Variants in SRL observed in about 807,000 individuals in gnomAD.
SRL encodes sarcalumenin.
Under a neutral mutation model 39.5 loss-of-function variants are expected in SRL, and 23 were observed. That is an observed-to-expected ratio of 0.58 (90% CI 0.42 to 0.82). SRL has a LOEUF of 0.82. Among genes scored for constraint, SRL ranks in the 40% least tolerant of loss-of-function variants. SRL has a pLI of 0.00. For synonymous variants in SRL, 272 were observed against 237.4 expected (o/e 1.15, Z -1.34); for missense variants, 592 against 607.8 (o/e 0.97, Z 0.27).
At chr16:4,230,299 G>A (rs1294983617) in intron 1 of SRL, among the ~76,000 whole-genome samples, 1 of 152,044 alleles carries the variant, frequency 6.6e-6, no homozygotes. Flanking sequence ...CCTCCACCCA[G>A]TGGAAGACCA....
At chr16:4,213,404 C>CTTTTTCTCTT (rs1237775177) in intron 1 of SRL, among the ~76,000 whole-genome samples, 21 of 69,584 alleles carry the variant, frequency 3.0e-4, no homozygotes, top group African/African-American at 1.6e-3. Flanking sequence ...TTTTCTTTTT[C>CTTTTTCTCTT]TTTTTTTTTT....
chr16:4,206,365 C>T (rs2052318385), intron 1 of SRL, among the ~76,000 whole-genome samples: 1 of 152,196 alleles, frequency 6.6e-6, no homozygotes, highest in Non-Finnish European at 1.5e-5. Flanking sequence ...CCAACCCACC[C>T]CCATCCATTC....
intron 1 of SRL, among the ~76,000 whole-genome samples, chr16:4,222,630 T>C (rs1019677049): frequency 7.3e-6 from 1 of 136,540 alleles, no homozygotes; most frequent in African/African-American, 3.2e-5. Context: ...TGCTAGAGGC[T>C]GGTGCCTGTG....
At chr16:4,230,733 G>A (rs1242743274) in intron 1 of SRL, among the ~76,000 whole-genome samples, 4 of 152,084 alleles carry the variant, frequency 2.6e-5, no homozygotes, top group African/African-American at 7.2e-5. Context: ...AATGTAATTA[G>A]TTAAGATGAG....
intron 1 of SRL, among the ~76,000 whole-genome samples, chr16:4,238,733 C>T (rs986197587): frequency 5.9e-5 from 9 of 151,848 alleles, no homozygotes; most frequent in Admixed American, 2.0e-4. Flanking sequence ...TGTGATCCTC[C>T]CCCCTCGGCC....
At chr16:4,209,626 G>A (rs1319172179) in intron 1 of SRL, among the ~76,000 whole-genome samples, 1 of 152,188 alleles carries the variant, frequency 6.6e-6, no homozygotes, top group Non-Finnish European at 1.5e-5. Context: ...CAGGGATCAG[G>A]AGCAAATATT....
Position 4,190,163 on chromosome 16 carries a change from C to A in SRL, c.*1990G>T. ...GGTCCAGGCCCTCCACAAAGCCAAA[C>A]GCAACGGCCCCTGTGACAGCATGCA... On this transcript the variant is annotated 3_prime_UTR_variant, in exon 6 of 6. Transcript: ENST00000399609. 3 of 397,850 alleles carry A rather than the reference C, an allele frequency of 7.5e-6. No homozygotes were observed. Among genetic ancestry groups the A allele is most frequent in the Non-Finnish European group, 1.3e-5 (3 of 226,068 alleles). The allele number at this position is 397,850 out of a possible 1,614,324, so 24.6% of individuals were successfully genotyped here. A position where few individuals can be genotyped will look rare whatever the true frequency, so the allele number is the denominator to read the frequency against.
chr16:4,207,790 G>A lies in SRL; in HGVS notation c.62-3156C>T, dbSNP rs577097373. On this transcript the variant is annotated intron_variant, in intron 1 of 5. Transcript: ENST00000399609. ...GGAGGGAGGGCGCTTGCCACTGGTG[G>A]GCCATTCTTTTCCTCCCCAGGCCCC... 28 of 455,570 alleles carry A rather than the reference G, an allele frequency of 6.1e-5. No homozygotes were observed. In the East Asian group the frequency reaches 1.8e-3, roughly 29 times the overall value. 28.2% of individuals were successfully genotyped at this position (455,570 alleles called of 1,614,324 possible).
chr16:4,214,129 T>G (rs936253298), intron 1 of SRL, among the ~76,000 whole-genome samples: 1 of 152,210 alleles, frequency 6.6e-6, no homozygotes, highest in Non-Finnish European at 1.5e-5. Flanking sequence ...CAGGAAGCTC[T>G]GTCTTGAAGT....
intron 1 of SRL, among the ~76,000 whole-genome samples, chr16:4,228,579 CA>C (rs1184072901): frequency 1.3e-5 from 2 of 151,106 alleles, no homozygotes; most frequent in Non-Finnish European, 3.0e-5. Context: ...ACTAAAAATA[CA>C]AAAAATTAGT....
chr16:4,226,800 AATGG>A (rs142144505), intron 1 of SRL, among the ~76,000 whole-genome samples: 2,795 of 138,434 alleles, frequency 0.02, 41 homozygotes, highest in Non-Finnish European at 0.031. Flanking sequence ...TGGATGGCTG[AATGG>A]ATGGATGGAT....
chr16:4,229,922 G>A (rs1230316815), intron 1 of SRL, among the ~76,000 whole-genome samples: 5 of 152,126 alleles, frequency 3.3e-5, no homozygotes, highest in Non-Finnish European at 7.4e-5. Flanking sequence ...TCGTGCAGAA[G>A]AAGAGCTGGG....
chr16:4,206,780 C>G (rs1172186350), intron 1 of SRL: 1 of 456,720 alleles, frequency 2.2e-6, no homozygotes, highest in African/African-American at 2.0e-5. Context: ...CCTCGGGCTC[C>G]TCTGCCTTCA....
At chr16:4,218,290 G>A (rs892829545) in intron 1 of SRL, among the ~76,000 whole-genome samples, 10 of 152,150 alleles carry the variant, frequency 6.6e-5, no homozygotes, top group Non-Finnish European at 1.3e-4. Flanking sequence ...TAAGGGCCAC[G>A]TCTTTCTGAG....
At chr16:4,206,252 A>G (rs1372040570) in intron 1 of SRL, among the ~76,000 whole-genome samples, 1 of 152,062 alleles carries the variant, frequency 6.6e-6, no homozygotes. Flanking sequence ...TTCTCATCTC[A>G]TGATCCTGAC....
intron 1 of SRL, among the ~76,000 whole-genome samples, chr16:4,224,745 G>T (rs2052568695): frequency 6.6e-6 from 1 of 151,930 alleles, no homozygotes; most frequent in African/African-American, 2.4e-5. Context: ...AAAAAAAAAG[G>T]ATAAAGTGTC....
At chr16:4,203,374 G>T in intron 2 of SRL, 113 bp from the exon 3 acceptor site, 1 of 801,156 alleles carries the variant, frequency 1.2e-6, no homozygotes, top group Non-Finnish European at 2.1e-6. Context: ...CTGGTGGGCA[G>T]CAAGTGCTGT....
At chr16:4,198,671 C>T (rs556630314) in intron 3 of SRL, among the ~76,000 whole-genome samples, 19 of 152,134 alleles carry the variant, frequency 1.2e-4, no homozygotes, top group South Asian at 2.1e-4. Flanking sequence ...TGGTCTCAAA[C>T]TTCTGGGCTC....
At chr16:4,207,960 TGAA>T (rs771723716) in intron 1 of SRL, 85 of 456,626 alleles carry the variant, frequency 1.9e-4, no homozygotes, top group Non-Finnish European at 4.0e-5. Flanking sequence ...ATCTGGGTAG[TGAA>T]GGAGCAGTTT....
Sources: allele counts gnomAD v4.1 joint callset (sites outside exome capture counted in the v4.1 genomes callset), GRCh38; gene constraint gnomAD v4.1.1; transcripts MANE v1.5; gene names NCBI Gene and HGNC (gene_info 2026-07-23, HGNC 2026-07-21).